The following USP42 variants were observed in gnomAD, a reference collection of about 807,000 sequenced individuals.
USP42 encodes ubiquitin specific peptidase 42, also known as ubiquitin carboxyl-terminal hydrolase 42.
In USP42, 23 loss-of-function variants were observed where a neutral mutation model predicts 113.0. That is an observed-to-expected ratio of 0.20 (90% CI 0.15 to 0.29). USP42 has a LOEUF of 0.29. Among genes scored for constraint, USP42 ranks in the 10% least tolerant of loss-of-function variants. The pLI is 1.00. For missense variants in USP42, 2,174 were observed against 1,779.8 expected, an observed-to-expected ratio of 1.22 and a Z score of -3.99; for synonymous variants, 933 against 699.0, an observed-to-expected ratio of 1.33 and a Z score of -5.28.
In USP42 at chr7:6,124,298, C is replaced by T. The variant is rs541662807; in HGVS notation, c.442+8775C>T. Among the ~76,000 whole-genome samples the T allele has an allele frequency of 5.3e-5, 8 of 152,092 alleles. 1 individual carries two copies. Among genetic ancestry groups the T allele is most frequent in the African/African-American group, 1.7e-4 (7 of 41,488 alleles). On this transcript the variant is annotated intron_variant, in intron 3 of 17. Coordinates refer to ENST00000306177, the MANE Select transcript of USP42 (RefSeq NM_032172.3). ...TTTTTCTTTTTTTGAGACGGATTCT[C>T]GCTCTGTCACCCAGGCTGGAGTGCA...
intron 8 of USP42, among the ~76,000 whole-genome samples, chr7:6,143,610 C>G (rs147417677): frequency 6.6e-6 from 1 of 151,988 alleles, no homozygotes; most frequent in Admixed American, 6.6e-5. Context: ...ATCTTCAAGA[C>G]CAGAGGGATT....
chr7:6,103,364 C>CT (rs2128469957), upstream of USP42, among the ~76,000 whole-genome samples: 1 of 150,746 alleles, frequency 6.6e-6, no homozygotes, highest in South Asian at 2.1e-4. Context: ...TGGTGAAACT[C>CT]TGTCTCTACA....
chr7:6,100,255 C>A (rs567672051), upstream of USP42, among the ~76,000 whole-genome samples: 1 of 150,946 alleles, frequency 6.6e-6, no homozygotes, highest in East Asian at 1.9e-4. Context: ...CCTAACTAGT[C>A]CCCCTAGATG....
chr7:6,133,609 G>A (rs574194747), intron 3 of USP42, among the ~76,000 whole-genome samples: 17 of 151,974 alleles, frequency 1.1e-4, no homozygotes, highest in African/African-American at 3.9e-4. Flanking sequence ...CCAACTGCTG[G>A]GCTCAGGTGG....
chr7:6,127,470 CTG>C (rs1255380611), intron 3 of USP42, among the ~76,000 whole-genome samples: 2 of 150,962 alleles, frequency 1.3e-5, no homozygotes, highest in Admixed American at 6.6e-5. Flanking sequence ...TTTTTAGAAA[CTG>C]AGATTTGAGC....
At chr7:6,152,260 G>T (rs151101430) in intron 14 of USP42, among the ~76,000 whole-genome samples, 9 of 152,236 alleles carry the variant, frequency 5.9e-5, no homozygotes, top group African/African-American at 2.2e-4. Flanking sequence ...CCAGGCGCGG[G>T]TTCATCATCA....
chr7:6,147,823 G>A lies in USP42; in HGVS notation c.1317G>A (p.Gln439=). The part of the protein sequence containing the change: ...GQSSPRPVIS[Q]RVVTNKQAAP... ...CCTCTCCCCGCCCCGTCATCAGTCA[G>A]CGGGTTGTCACCAACAAACAGGCTG... Residue 439 remains glutamine, a synonymous_variant, in exon 12 of 18, where the codon CAG becomes CAA. Coordinates refer to ENST00000306177, the MANE Select transcript of USP42 (RefSeq NM_032172.3). 1.9e-6 allele frequency: 3 copies of A among 1,613,690 alleles called. No individual in the cohort carries two copies. The highest frequency in any genetic ancestry group is 2.5e-6 in the Non-Finnish European group (3 of 1,179,728).
chr7:6,152,518 C>G (rs532402643), intron 14 of USP42, among the ~76,000 whole-genome samples: 6 of 152,004 alleles, frequency 3.9e-5, no homozygotes, highest in Non-Finnish European at 7.4e-5. Flanking sequence ...TGGGAGTGCC[C>G]TCACTGAGGC....
Position 6,139,977 on chromosome 7 carries a change from T to G in USP42, c.657-151T>G, listed in dbSNP as rs1004059035. ...TGTTCTGGCCAGGAAGGGATGCTCT[T>G]GGGCTGCCACACGTGCCATCCTTTT... On this transcript the variant is annotated intron_variant, in intron 5 of 17. Coordinates refer to ENST00000306177, the MANE Select transcript of USP42 (RefSeq NM_032172.3). The surrounding 1 kb of genome is among the most constrained non-coding windows in gnomAD (Gnocchi z 4.5). 6.7e-5 allele frequency: 50 copies of G among 746,656 alleles called. No individual in the cohort carries two copies. In the African/African-American group the frequency reaches 7.4e-4, roughly 11 times the overall value. The allele number at this position is 746,656 out of a possible 1,614,324, so 46.3% of individuals were successfully genotyped here.
chr7:6,121,893 T>C (rs906997462), intron 3 of USP42, among the ~76,000 whole-genome samples: 3 of 152,204 alleles, frequency 2.0e-5, no homozygotes, highest in Non-Finnish European at 4.4e-5. Flanking sequence ...ACTCCTGGCT[T>C]CAAATGATCC....
chr7:6,114,264 C>T (rs1779755274), intron 2 of USP42, among the ~76,000 whole-genome samples: 1 of 152,184 alleles, frequency 6.6e-6, no homozygotes, highest in Admixed American at 6.5e-5. Flanking sequence ...GTGATGGTGG[C>T]AATGAATTAG....
the USP42 span, among the ~76,000 whole-genome samples, chr7:6,096,977 G>A: frequency 6.7e-6 from 1 of 149,372 alleles, no homozygotes; most frequent in East Asian, 2.0e-4. Context: ...ATGCTGGAGT[G>A]CTGTGGCATG....
chr7:6,094,106 A>G, the USP42 span, among the ~76,000 whole-genome samples: 1 of 146,692 alleles, frequency 6.8e-6, no homozygotes, highest in African/African-American at 2.6e-5. Context: ...CTGGTCTTGA[A>G]CTCCTGACCT....
intron 7 of USP42, among the ~76,000 whole-genome samples, chr7:6,142,617 T>A (rs1781496186): frequency 6.6e-6 from 1 of 152,176 alleles, no homozygotes; most frequent in Non-Finnish European, 1.5e-5. Context: ...GCATGACAGC[T>A]CATACCTGTA....
intron 3 of USP42, among the ~76,000 whole-genome samples, chr7:6,124,172 A>G (rs918923768): frequency 6.6e-6 from 1 of 151,986 alleles, no homozygotes; most frequent in African/African-American, 2.4e-5. Context: ...TACCATGCCC[A>G]GCCCACTCCA....
chr7:6,155,345 G>A (rs1782384472), intron 15 of USP42, 150 bp downstream of exon 15: 2 of 1,351,462 alleles, frequency 1.5e-6, no homozygotes, highest in African/African-American at 1.5e-5. Context: ...GGTTTTGAGA[G>A]TTCACTATTT....
At chr7:6,110,163 A>G (rs1401293182) in intron 1 of USP42, among the ~76,000 whole-genome samples, 3 of 152,104 alleles carry the variant, frequency 2.0e-5, no homozygotes, top group Non-Finnish European at 4.4e-5. Context: ...TAGGAGTGGC[A>G]TGTCTAGATG....
intron 14 of USP42, among the ~76,000 whole-genome samples, chr7:6,151,686 A>G (rs1782060188): frequency 6.6e-6 from 1 of 151,662 alleles, no homozygotes; most frequent in African/African-American, 2.4e-5. Flanking sequence ...CAACTCATCC[A>G]CCCGCTGTGG....
intron 4 of USP42, among the ~76,000 whole-genome samples, chr7:6,136,440 A>G (rs1048087201): frequency 4.6e-5 from 7 of 152,230 alleles, no homozygotes; most frequent in African/African-American, 1.7e-4. Flanking sequence ...ATATAAACAC[A>G]TTTTGAAACT....
Sources: allele counts gnomAD v4.1 joint callset (sites outside exome capture counted in the v4.1 genomes callset), GRCh38; gene constraint gnomAD v4.1.1; non-coding constraint Gnocchi (gnomAD v3.1); transcripts MANE v1.5; gene names NCBI Gene and HGNC (gene_info 2026-07-23, HGNC 2026-07-21).